Variants in LRRTM4 observed in about 807,000 individuals in gnomAD.
LRRTM4 encodes leucine-rich repeat transmembrane neuronal protein 4.
LRRTM4 carries 25 observed loss-of-function variants against 47.6 expected under a neutral mutation model. That is an observed-to-expected ratio of 0.53 (90% CI 0.38 to 0.73). LRRTM4 has a LOEUF of 0.73. LRRTM4 is among the 30% of genes least tolerant of loss of function. LRRTM4 has a pLI of 0.00. For synonymous variants in LRRTM4, 311 were observed against 269.5 expected (o/e 1.15, Z -1.51); for missense variants, 638 against 713.4 (o/e 0.89, Z 1.20).
intron 3 of LRRTM4, among the ~76,000 whole-genome samples, chr2:77,350,592 T>G (rs972430935): frequency 1.6e-4 from 25 of 151,946 alleles, no homozygotes; most frequent in Non-Finnish European, 3.5e-4. Context: ...TAAAAACCAT[T>G]TATGGAAGTG....
Position 76,974,215 on chromosome 2 carries a change from T to C in LRRTM4, c.1552-225299A>G, listed in dbSNP as rs868343005. The stretch of plus-strand genomic sequence containing the variant: ...ATATATACATATATATATATACACA[T>C]ATATATACATACATATATATATATA... On this transcript the variant is annotated intron_variant, in intron 3 of 3. Transcript: ENST00000409884. Among the ~76,000 whole-genome samples the C allele has an allele frequency of 7.6e-4, 73 of 96,126 alleles. 1 individual carries two copies. Among genetic ancestry groups the C allele is most frequent in the Non-Finnish European group, 9.6e-4 (45 of 46,760 alleles). The allele number at this position is 96,126 out of a possible 152,430, so 63.1% of individuals were successfully genotyped here.
intron 3 of LRRTM4, among the ~76,000 whole-genome samples, chr2:76,852,035 T>C (rs529598354): frequency 7.2e-5 from 11 of 152,296 alleles, no homozygotes; most frequent in African/African-American, 2.6e-4. Flanking sequence ...CCTCACTTTT[T>C]TTCTAATCCT....
At chr2:77,305,708 G>A (rs181203920) in intron 3 of LRRTM4, among the ~76,000 whole-genome samples, 1 of 151,220 alleles carries the variant, frequency 6.6e-6, no homozygotes, top group Admixed American at 6.5e-5. Context: ...ATGACTTTTT[G>A]ATATGATACC....
At chr2:76,798,997 T>C (rs1044683182) in intron 3 of LRRTM4, among the ~76,000 whole-genome samples, 2 of 150,582 alleles carry the variant, frequency 1.3e-5, no homozygotes, top group Admixed American at 1.3e-4. Flanking sequence ...ACCAGATGGA[T>C]TCACAGCCGA....
At chr2:77,268,758 T>C (rs866417527) in intron 3 of LRRTM4, among the ~76,000 whole-genome samples, 4 of 152,322 alleles carry the variant, frequency 2.6e-5, no homozygotes, top group African/African-American at 9.6e-5. Context: ...TTCTGTATTC[T>C]GAATCACTCG....
chr2:76,974,155 CAT>C (rs67575216), intron 3 of LRRTM4, among the ~76,000 whole-genome samples: 35,491 of 123,590 alleles, frequency 0.29, 6,393 homozygotes, highest in African/African-American at 0.55. Context: ...TATATACATA[CAT>C]ATATATATAT....
intron 3 of LRRTM4, among the ~76,000 whole-genome samples, chr2:77,076,811 G>C (rs1160087046): frequency 1.3e-5 from 2 of 152,122 alleles, no homozygotes; most frequent in Non-Finnish European, 2.9e-5. Flanking sequence ...GATTTAAAAA[G>C]TAGCCTTTGA....
intron 3 of LRRTM4, among the ~76,000 whole-genome samples, chr2:77,070,582 G>C (rs569707491): frequency 2.0e-5 from 3 of 151,924 alleles, no homozygotes; most frequent in East Asian, 1.9e-4. Context: ...CTAAGATATT[G>C]TATCTTTTTT....
chr2:77,046,743 T>A (rs1003511489), intron 3 of LRRTM4, among the ~76,000 whole-genome samples: 1 of 151,994 alleles, frequency 6.6e-6, no homozygotes, highest in African/African-American at 2.4e-5. Context: ...TCCCATAGTA[T>A]AGTCACACAT....
intron 3 of LRRTM4, among the ~76,000 whole-genome samples, chr2:76,764,647 AAC>A (rs1273974109): frequency 6.6e-6 from 1 of 152,126 alleles, no homozygotes; most frequent in African/African-American, 2.4e-5. Flanking sequence ...AAACAAAAAA[AAC>A]AAACAAAAAA....
chr2:77,077,392 T>C (rs1270901693), intron 3 of LRRTM4, among the ~76,000 whole-genome samples: 1 of 152,176 alleles, frequency 6.6e-6, no homozygotes, highest in African/African-American at 2.4e-5. Flanking sequence ...TATATCCTAA[T>C]AGATAGTACA....
chr2:76,808,177 C>T (rs563177718), intron 3 of LRRTM4, among the ~76,000 whole-genome samples: 27 of 151,616 alleles, frequency 1.8e-4, no homozygotes, highest in East Asian at 1.2e-3. Context: ...CCCGCCACGA[C>T]GCCAGGCTAA....
chr2:77,157,742 A>G (rs149658490), intron 3 of LRRTM4, among the ~76,000 whole-genome samples: 99 of 152,244 alleles, frequency 6.5e-4, no homozygotes, highest in African/African-American at 2.1e-3. Context: ...TATGGAAGAA[A>G]ACCCCACCAC....
intron 3 of LRRTM4, among the ~76,000 whole-genome samples, chr2:76,873,712 A>G (rs1403876266): frequency 1.3e-5 from 2 of 151,462 alleles, no homozygotes; most frequent in Admixed American, 1.3e-4. Context: ...TTTTACCAAT[A>G]TGACCTTATT....
intron 3 of LRRTM4, among the ~76,000 whole-genome samples, chr2:77,029,284 C>T (rs1376169615): frequency 3.3e-5 from 5 of 151,754 alleles, no homozygotes; most frequent in Non-Finnish European, 7.4e-5. Flanking sequence ...AGATGAAGTC[C>T]CACAATAGGC....
intron 3 of LRRTM4, among the ~76,000 whole-genome samples, chr2:77,269,713 C>A (rs1465256413): frequency 6.6e-6 from 1 of 152,196 alleles, no homozygotes; most frequent in Non-Finnish European, 1.5e-5. Flanking sequence ...TTCTTAAGTT[C>A]TTTTTCTTTC....
chr2:77,171,626 G>A (rs1391449869), intron 3 of LRRTM4, among the ~76,000 whole-genome samples: 1 of 150,990 alleles, frequency 6.6e-6, no homozygotes, highest in Non-Finnish European at 1.5e-5. Context: ...TAAGATATAG[G>A]TCATATATTT....
chr2:76,794,232 G>C (rs1171742843), intron 3 of LRRTM4, among the ~76,000 whole-genome samples: 6 of 152,184 alleles, frequency 3.9e-5, no homozygotes, highest in African/African-American at 1.4e-4. Flanking sequence ...GACCTTGTTA[G>C]ATTACCTGAT....
chr2:77,326,692 T>C (rs1416933472), intron 3 of LRRTM4, among the ~76,000 whole-genome samples: 1 of 152,194 alleles, frequency 6.6e-6, no homozygotes, highest in African/African-American at 2.4e-5. Context: ...GACTGTACTC[T>C]GCCTCACCTA....
Sources: allele counts gnomAD v4.1 joint callset (sites outside exome capture counted in the v4.1 genomes callset), GRCh38; gene constraint gnomAD v4.1.1; transcripts MANE v1.5; gene names NCBI Gene and HGNC (gene_info 2026-07-23, HGNC 2026-07-21).